The following COL26A1 variants were observed in gnomAD, a reference collection of about 807,000 sequenced individuals.
COL26A1 encodes the protein collagen alpha-1(XXVI) chain.
Under a neutral mutation model 59.3 loss-of-function variants are expected in COL26A1, and 41 were observed. The observed-to-expected ratio is 0.69, with a 90% CI of 0.54 to 0.90. The LOEUF (loss-of-function observed/expected upper bound fraction) is 0.90. Ranked by LOEUF, COL26A1 falls within the 40% of genes least tolerant of loss-of-function variation. The pLI is 0.00. For missense variants in COL26A1, 612 were observed against 602.3 expected (o/e 1.02, Z -0.17); for synonymous variants, 266 against 256.0 (o/e 1.04, Z -0.37).
intron 1 of COL26A1, among the ~76,000 whole-genome samples, chr7:101,409,949 A>T (rs1216733409): frequency 6.6e-6 from 1 of 151,944 alleles, no homozygotes; most frequent in Admixed American, 6.6e-5. Flanking sequence ...TTTAGTAGAG[A>T]CAGGGTTTCA....
At chr7:101,381,991 C>T (rs1366388118) in intron 1 of COL26A1, among the ~76,000 whole-genome samples, 1 of 152,064 alleles carries the variant, frequency 6.6e-6, no homozygotes, top group Non-Finnish European at 1.5e-5. Flanking sequence ...AAGATTCAGC[C>T]TTGAGCTAAG....
chr7:101,553,746 C>T (rs1795909691), intron 11 of COL26A1, among the ~76,000 whole-genome samples: 1 of 152,128 alleles, frequency 6.6e-6, no homozygotes, highest in Admixed American at 6.5e-5. Flanking sequence ...TGAATGGCGT[C>T]TCGGCATGGG....
At chr7:101,404,030 G>T (rs1050700628) in intron 1 of COL26A1, among the ~76,000 whole-genome samples, 1 of 152,158 alleles carries the variant, frequency 6.6e-6, no homozygotes, top group Non-Finnish European at 1.5e-5. Flanking sequence ...GGAGGTGGAT[G>T]TTGCAGTGAG....
chr7:101,389,362 A>C (rs1010880079), intron 1 of COL26A1, among the ~76,000 whole-genome samples: 14 of 147,024 alleles, frequency 9.5e-5, no homozygotes, highest in African/African-American at 3.5e-4. Context: ...CCTTTATCAG[A>C]TGTATGATTT....
At chr7:101,518,306 T>C (rs1795072680) in intron 3 of COL26A1, among the ~76,000 whole-genome samples, 1 of 152,162 alleles carries the variant, frequency 6.6e-6, no homozygotes, top group Non-Finnish European at 1.5e-5. Context: ...TGGGTGCCCC[T>C]CAGCCCTCTG....
rs6944292 is a variant in COL26A1 at position 101,385,771 on chromosome 7, C to A, written c.158+22581C>A. Among the ~76,000 whole-genome samples the A allele has an allele frequency of 2.0e-3, 308 of 152,046 alleles. 1 individual carries two copies. The highest frequency in any genetic ancestry group is 3.4e-3 in the Middle Eastern group (1 of 294). ...CCAGGTTGGAGTGCAGTGGTGCGAT[C>A]TCGGCTCACTGCAAACTCTGCCTCC... is the stretch of plus-strand genomic sequence containing the variant. On this transcript the variant is annotated intron_variant, in intron 1 of 12. Coordinates refer to ENST00000313669, the MANE Select transcript of COL26A1 (RefSeq NM_001278563.3).
intron 1 of COL26A1, among the ~76,000 whole-genome samples, chr7:101,370,802 C>T (rs1210701564): frequency 2.0e-5 from 3 of 152,184 alleles, no homozygotes; most frequent in Non-Finnish European, 4.4e-5. Context: ...CTTACCTTGA[C>T]TCCCCCCTCT....
At chr7:101,388,987 CG>C in intron 1 of COL26A1, 1 of 298,000 alleles carries the variant, frequency 3.4e-6, no homozygotes, top group South Asian at 3.7e-5. Flanking sequence ...GGATTTTGGC[CG>C]CCATGGGGCT....
At chr7:101,501,051 T>G (rs904849585) in intron 3 of COL26A1, among the ~76,000 whole-genome samples, 1 of 150,212 alleles carries the variant, frequency 6.7e-6, no homozygotes, top group African/African-American at 2.4e-5. Flanking sequence ...CCGGGCATGG[T>G]GGTAGGCGCC....
At chr7:101,429,588 A>ATTTTTTT (rs1792729327) in intron 2 of COL26A1, among the ~76,000 whole-genome samples, 14 of 49,876 alleles carry the variant, frequency 2.8e-4, no homozygotes, top group South Asian at 1.8e-3. Flanking sequence ...TTTCTTTTTT[A>ATTTTTTT]CTTTTTTTTT....
At chr7:101,516,166 C>G (rs1371601923) in intron 3 of COL26A1, among the ~76,000 whole-genome samples, 2 of 152,212 alleles carry the variant, frequency 1.3e-5, no homozygotes, top group African/African-American at 4.8e-5. Flanking sequence ...GATATCTTTT[C>G]TAATCTGTAC....
intron 3 of COL26A1, among the ~76,000 whole-genome samples, chr7:101,466,427 C>G (rs1467041064): frequency 6.6e-6 from 1 of 152,082 alleles, no homozygotes; most frequent in Non-Finnish European, 1.5e-5. Context: ...ATTAGCCGGG[C>G]ACAGTGACTC....
intron 3 of COL26A1, among the ~76,000 whole-genome samples, chr7:101,523,664 C>T (rs539716254): frequency 3.7e-4 from 57 of 152,108 alleles, no homozygotes; most frequent in Admixed American, 2.1e-3. Context: ...ACTGCATTTG[C>T]GCCTTTTTCA....
chr7:101,406,051 C>G (rs998349202), intron 1 of COL26A1, among the ~76,000 whole-genome samples: 1 of 152,192 alleles, frequency 6.6e-6, no homozygotes, highest in African/African-American at 2.4e-5. Flanking sequence ...CCCTCCTCCC[C>G]GGATGGAAAT....
At chr7:101,537,161 A>G (rs1795498768) in intron 4 of COL26A1, among the ~76,000 whole-genome samples, 1 of 152,230 alleles carries the variant, frequency 6.6e-6, no homozygotes, top group Non-Finnish European at 1.5e-5. Flanking sequence ...AGTCTGCTCC[A>G]TCTGCTCTCC....
At chr7:101,473,648 AC>A (rs1208637666) in intron 3 of COL26A1, among the ~76,000 whole-genome samples, 10 of 113,526 alleles carry the variant, frequency 8.8e-5, no homozygotes, top group Non-Finnish European at 1.3e-4. Flanking sequence ...ACACACACAC[AC>A]ACACAAACAC....
chr7:101,476,063 C>T (rs13241686), intron 3 of COL26A1, among the ~76,000 whole-genome samples: 36,108 of 151,394 alleles, frequency 0.24, 4,935 homozygotes, highest in Middle Eastern at 0.32. Context: ...CAACCTCTGC[C>T]TCCCAGGTTC....
chr7:101,510,641 G>A (rs908627853), intron 3 of COL26A1, among the ~76,000 whole-genome samples: 3 of 152,140 alleles, frequency 2.0e-5, no homozygotes, highest in African/African-American at 7.2e-5. Context: ...CCATGTAGCT[G>A]GGACTACAGG....
chr7:101,508,517 C>CAAAAAAAAA (rs58872805), intron 3 of COL26A1, among the ~76,000 whole-genome samples: 1 of 127,636 alleles, frequency 7.8e-6, no homozygotes, highest in Non-Finnish European at 1.6e-5. Context: ...AAAACCCTGT[C>CAAAAAAAAA]AAAAAAAAAA....
Sources: gnomAD v4.1 joint callset for allele counts (sites outside exome capture counted in the v4.1 genomes callset) on GRCh38, gnomAD v4.1.1 for gene constraint, MANE v1.5 for transcripts, NCBI Gene and HGNC (gene_info 2026-07-23, HGNC 2026-07-21) for gene names.